SUDS3: variants seen among roughly 807,000 people sequenced by gnomAD.
The protein encoded by SUDS3 is sin3 histone deacetylase corepressor complex component SDS3.
In SUDS3, 23 loss-of-function variants were observed where a neutral mutation model predicts 53.5. The observed-to-expected ratio is 0.43, with a 90% CI of 0.31 to 0.61. The LOEUF is 0.61. Among genes scored for constraint, SUDS3 ranks in the 20% least tolerant of loss-of-function variants. SUDS3 has a pLI of 0.10. For synonymous variants in SUDS3, 150 were observed against 148.5 expected (o/e 1.01, Z -0.08); for missense variants, 291 against 405.9 (o/e 0.72, Z 2.43).
chr12:118,399,023 C>T (rs2046240976), intron 6 of SUDS3, among the ~76,000 whole-genome samples: 1 of 152,066 alleles, frequency 6.6e-6, no homozygotes, highest in South Asian at 2.1e-4. Flanking sequence ...GTTTGCTGGG[C>T]AGAAAAGAGG....
At chr12:118,408,257 C>G (rs936980845) in intron 10 of SUDS3, among the ~76,000 whole-genome samples, 1 of 151,808 alleles carries the variant, frequency 6.6e-6, no homozygotes, top group Non-Finnish European at 1.5e-5. Flanking sequence ...TGGTCTCGAA[C>G]CCCTGAGCTC....
intron 5 of SUDS3, 157 bp from the exon 6 acceptor site, chr12:118,390,969 C>A: frequency 1.2e-6 from 1 of 847,722 alleles, no homozygotes. Context: ...ATTTTATACC[C>A]TCGCTGGAAA....
At chr12:118,382,772 ATTC>A (rs758804245) in intron 2 of SUDS3, among the ~76,000 whole-genome samples, 4 of 148,832 alleles carry the variant, frequency 2.7e-5, no homozygotes, top group Admixed American at 6.8e-5. Context: ...GGTTCAAGCT[ATTC>A]TTCTGCCTCA....
intron 6 of SUDS3, among the ~76,000 whole-genome samples, chr12:118,394,279 T>TGGTTTACAGAGTGAACACTCA (rs2046194557): frequency 1.3e-5 from 2 of 152,162 alleles, no homozygotes; most frequent in Admixed American, 1.3e-4. Context: ...ACAAAGTAGC[T>TGGTTTACAGAGTGAACACTCA]GGTTTACAGA....
chr12:118,379,944 A>G (rs1199655436), intron 1 of SUDS3, among the ~76,000 whole-genome samples: 3 of 152,166 alleles, frequency 2.0e-5, no homozygotes, highest in Non-Finnish European at 2.9e-5. Context: ...AGGATACTCA[A>G]ATTCTTTGCA....
At chr12:118,384,150 G>A in intron 3 of SUDS3, 83 bp downstream of exon 3, 1 of 1,405,086 alleles carries the variant, frequency 7.1e-7, no homozygotes, top group Non-Finnish European at 9.9e-7. Context: ...TCACTTCTCT[G>A]TGGGAGTTAT....
intron 10 of SUDS3, chr12:118,404,405 C>A (rs1268344120): frequency 6.6e-6 from 1 of 152,274 alleles, no homozygotes; most frequent in Non-Finnish European, 1.5e-5. Context: ...GCCACTGTGT[C>A]CTGCATTCCT....
At chr12:118,397,391 A>G (rs1265895539) in intron 6 of SUDS3, among the ~76,000 whole-genome samples, 3 of 152,204 alleles carry the variant, frequency 2.0e-5, no homozygotes, top group Non-Finnish European at 4.4e-5. Flanking sequence ...TAGAACTTCC[A>G]GGTGCACTCA....
At chr12:118,379,120 C>T (rs2046030247) in intron 1 of SUDS3, among the ~76,000 whole-genome samples, 1 of 151,012 alleles carries the variant, frequency 6.6e-6, no homozygotes, top group South Asian at 2.1e-4. Context: ...CCTGGATATT[C>T]TAAGTAATCT....
At chr12:118,376,904 G>T (rs951409132) in intron 1 of SUDS3, 71 bp downstream of exon 1, 82 of 1,368,092 alleles carry the variant, frequency 6.0e-5, no homozygotes, top group Non-Finnish European at 7.4e-5. Context: ...GGGGCTGTTC[G>T]GGAGAGGGGC....
At chr12:118,391,083 C>G in intron 5 of SUDS3, 43 bp from the exon 6 acceptor site, 1 of 1,606,260 alleles carries the variant, frequency 6.2e-7, no homozygotes, top group Non-Finnish European at 8.5e-7. Flanking sequence ...AGCCCTGGCT[C>G]CCAGGGCTGT....
In SUDS3 at chr12:118,401,751, C is replaced by G; in HGVS notation, c.614-8C>G. ...ACTTTTCACATACAGTCCTTTAACT[C>G]TCAACACCCCAGCTAAACTATTTGT... is the stretch of plus-strand genomic sequence containing the variant. On this transcript the variant is annotated splice_region_variant and splice_polypyrimidine_tract_variant and intron_variant, in intron 7 of 11. Coordinates refer to ENST00000543473, the MANE Select transcript of SUDS3 (RefSeq NM_022491.3). The G allele has an allele frequency of 6.2e-7, 1 of 1,613,080 alleles. No individual in the cohort carries two copies. Among genetic ancestry groups the G allele is most frequent in the Non-Finnish European group, 8.5e-7 (1 of 1,179,126 alleles).
At position 118,391,323 on chromosome 12, in the gene SUDS3, C is replaced by A. The variant is rs377205020; in HGVS notation, c.517+41C>A. The A allele has an allele frequency of 1.1e-5, 17 of 1,564,434 alleles. 1 individual carries two copies. The East Asian group carries it at 3.6e-4, about 33-fold the overall frequency. On this transcript the variant is annotated intron_variant, in intron 6 of 11. Coordinates refer to ENST00000543473, the MANE Select transcript of SUDS3 (RefSeq NM_022491.3). ...GGGGTGGGATCTTGGGGGCCCTGAGCGGGGGGGTGTGAAGGGCTGTTCCAG... is the reference window on the plus strand; with the variant it reads ...GGGGTGGGATCTTGGGGGCCCTGAGAGGGGGGGTGTGAAGGGCTGTTCCAG...
In SUDS3 at chr12:118,417,917, G is replaced by A. The variant is rs1178730202; in HGVS notation, c.*3484G>A. On this transcript the variant is annotated 3_prime_UTR_variant, in exon 12 of 12. Coordinates refer to ENST00000543473, the MANE Select transcript of SUDS3 (RefSeq NM_022491.3). ...AGTTTTGTAAAGAGCAATCTGGGGT[G>A]TTGACCCTTAAATGTTTGTGCACTC... 6.6e-6 allele frequency: 1 copy of A among 152,294 alleles called. No individual in the cohort carries two copies. Among genetic ancestry groups the A allele is most frequent in the East Asian group, 1.9e-4 (1 of 5,176 alleles). 9.4% of individuals were successfully genotyped at this position (152,294 alleles called of 1,614,324 possible).
intron 7 of SUDS3, 114 bp downstream of exon 7, chr12:118,400,868 T>A: frequency 1.0e-6 from 1 of 986,322 alleles, no homozygotes; most frequent in Non-Finnish European, 1.6e-6. Flanking sequence ...TAGTAACATT[T>A]AACTGGAAAG....
intron 11 of SUDS3, among the ~76,000 whole-genome samples, chr12:118,411,495 T>A (rs956826735): frequency 6.6e-6 from 1 of 152,062 alleles, no homozygotes; most frequent in Non-Finnish European, 1.5e-5. Flanking sequence ...CTGCTTCTTT[T>A]TTTTTATTTT....
chr12:118,391,089 G>T (rs1344892544), intron 5 of SUDS3, 37 bp from the exon 6 acceptor site: 2 of 1,610,756 alleles, frequency 1.2e-6, no homozygotes, highest in South Asian at 2.2e-5. Flanking sequence ...GGCTCCCAGG[G>T]CTGTGTACTC....
At chr12:118,397,989 C>T (rs1445552590) in intron 6 of SUDS3, among the ~76,000 whole-genome samples, 2 of 152,150 alleles carry the variant, frequency 1.3e-5, no homozygotes, top group Non-Finnish European at 2.9e-5. Context: ...GGGTGAGCTC[C>T]CTTTACACTT....
Position 118,391,115 on chromosome 12 carries a change from C to G in SUDS3, c.361-11C>G. 1 of 1,611,992 alleles carries G rather than the reference C, an allele frequency of 6.2e-7. No homozygotes were observed. The highest frequency in any genetic ancestry group is 1.3e-5 in the African/African-American group (1 of 74,734). ...CTGTGTACTCCCAGCCCGTGTTTCT[C>G]TTTTGCTCAGACTGAACAAGTGGAA... On this transcript the variant is annotated splice_polypyrimidine_tract_variant and intron_variant, in intron 5 of 11. Transcript: ENST00000543473.
Sources: gnomAD v4.1 joint callset for allele counts (sites outside exome capture counted in the v4.1 genomes callset) on GRCh38, gnomAD v4.1.1 for gene constraint, MANE v1.5 for transcripts, NCBI Gene and HGNC (gene_info 2026-07-23, HGNC 2026-07-21) for gene names.